The following RBKS variants were observed in gnomAD, a reference collection of about 807,000 sequenced individuals.
RBKS encodes ribokinase.
RBKS carries 33 observed loss-of-function variants against 33.9 expected under a neutral mutation model. The ratio of observed to expected loss-of-function variants is 0.97; its 90% CI spans 0.74 to 1.30. The LOEUF (loss-of-function observed/expected upper bound fraction) is 1.30. RBKS is among the 50% of genes most tolerant of loss of function. The pLI, the probability that RBKS is intolerant of heterozygous loss-of-function variation, is 0.00. For synonymous variants in RBKS, 125 were observed against 143.0 expected (o/e 0.87, Z 0.90); for missense variants, 361 against 392.6 (o/e 0.92, Z 0.68).
chr2:27,787,652 C>T (rs1283170888), intron 7 of RBKS, among the ~76,000 whole-genome samples: 3 of 152,120 alleles, frequency 2.0e-5, no homozygotes, highest in Non-Finnish European at 2.9e-5. Context: ...TAGATGGCTT[C>T]GCTGGATAAT....
chr2:27,813,559 C>A (rs1678032337), intron 7 of RBKS, among the ~76,000 whole-genome samples: 1 of 151,306 alleles, frequency 6.6e-6, no homozygotes, highest in Non-Finnish European at 1.5e-5. Flanking sequence ...AAGAAATAAC[C>A]CAGAATATAG....
At chr2:27,833,050 T>TA (rs915413945) in intron 5 of RBKS, among the ~76,000 whole-genome samples, 12 of 152,176 alleles carry the variant, frequency 7.9e-5, no homozygotes, top group African/African-American at 2.7e-4. Flanking sequence ...ATTATAGAGT[T>TA]AAGGCAAAGG....
rs371428553 is a variant in RBKS at position 27,846,992 on chromosome 2, T to C, written c.349+50A>G. 1.9e-5 allele frequency: 25 copies of C among 1,313,534 alleles called. No individual in the cohort carries two copies. In the African/African-American group the frequency reaches 3.5e-4, roughly 18 times the overall value. 81.4% of individuals were successfully genotyped at this position (1,313,534 alleles called of 1,614,324 possible). The stretch of plus-strand genomic sequence containing the variant: ...AAAATTGATGCTTCTGATCTAACTC[T>C]GGAAATACACTGTCTTATGAAATGA... On this transcript the variant is annotated intron_variant, in intron 4 of 7. Coordinates refer to ENST00000302188, the MANE Select transcript of RBKS (RefSeq NM_022128.3).
rs1678551232 is a variant in RBKS at position 27,837,581 on chromosome 2, C to T, written c.515-4804G>A. On this transcript the variant is annotated intron_variant, in intron 5 of 7. Coordinates refer to ENST00000302188, the MANE Select transcript of RBKS (RefSeq NM_022128.3). The surrounding 1 kb of genome is among the most constrained non-coding windows in gnomAD (Gnocchi z 4.0). ...CAAAGACATGGAATCAACCTAGGTG[C>T]CCATCAATGGTGGACTGGATAAAGA... 6.6e-6 allele frequency among the ~76,000 whole-genome samples: 1 copy of T among 152,118 alleles called. No individual in the cohort carries two copies. The highest frequency in any genetic ancestry group is 1.5e-5 in the Non-Finnish European group (1 of 68,022).
At chr2:27,854,246 C>G (rs1050490388) in intron 2 of RBKS, among the ~76,000 whole-genome samples, 9 of 152,196 alleles carry the variant, frequency 5.9e-5, no homozygotes, top group Non-Finnish European at 1.3e-4. Context: ...GTTATTCTGT[C>G]AAATTGCTAT....
chr2:27,809,882 A>G, intron 7 of RBKS: 1 of 1,267,504 alleles, frequency 7.9e-7, no homozygotes. Context: ...ATTTTGAGTA[A>G]TTAGTCATTG....
At chr2:27,848,714 T>G (rs1663672231) in intron 2 of RBKS, among the ~76,000 whole-genome samples, 1 of 151,988 alleles carries the variant, frequency 6.6e-6, no homozygotes, top group South Asian at 2.1e-4. Context: ...AAAAGCATGT[T>G]CCTTGTAGTC....
intron 1 of RBKS, among the ~76,000 whole-genome samples, chr2:27,865,531 C>A (rs1354086124): frequency 6.6e-6 from 1 of 151,266 alleles, no homozygotes. Flanking sequence ...TTTTACGTTC[C>A]CTGTTTGTGT....
Position 27,781,537 on chromosome 2 carries a change from C to T in RBKS, c.*78G>A, listed in dbSNP as rs779860908. The T allele has an allele frequency of 1.0e-5, 12 of 1,142,874 alleles. No individual in the cohort carries two copies. The highest frequency in any genetic ancestry group is 1.3e-5 in the Non-Finnish European group (11 of 820,848). 70.8% of individuals were successfully genotyped at this position (1,142,874 alleles called of 1,614,324 possible). ...CAAAGAAAGGGGACGAGGACATTTT[C>T]TAATAAGCATTAGCCAGGAGCAGCC... On this transcript the variant is annotated 3_prime_UTR_variant, in exon 8 of 8. Coordinates refer to ENST00000302188, the MANE Select transcript of RBKS (RefSeq NM_022128.3).
At chr2:27,793,603 G>C (rs968992120) in intron 7 of RBKS, among the ~76,000 whole-genome samples, 1 of 152,168 alleles carries the variant, frequency 6.6e-6, no homozygotes, top group Non-Finnish European at 1.5e-5. Context: ...TGTCATGAAA[G>C]ACAACATAGT....
intron 7 of RBKS, among the ~76,000 whole-genome samples, chr2:27,824,028 C>CTACTA (rs1352778103): frequency 6.6e-6 from 1 of 152,190 alleles, no homozygotes; most frequent in African/African-American, 2.4e-5. Flanking sequence ...ACTCCATACT[C>CTACTA]ATTAGTAGTC....
chr2:27,800,781 T>G (rs1677762464), intron 7 of RBKS, among the ~76,000 whole-genome samples: 1 of 152,242 alleles, frequency 6.6e-6, no homozygotes, highest in South Asian at 2.1e-4. Flanking sequence ...AGGAATGCAC[T>G]TGGAGCCAGG....
chr2:27,888,024 G>A (rs909680878), intron 1 of RBKS, among the ~76,000 whole-genome samples: 1 of 152,014 alleles, frequency 6.6e-6, no homozygotes, highest in East Asian at 1.9e-4. Context: ...AGTATCTGAT[G>A]GTCAAGCTTC....
Position 27,842,412 on chromosome 2 carries a change from T to C in RBKS, c.514+655A>G, listed in dbSNP as rs534767466. Among the ~76,000 whole-genome samples, 8 of 152,294 alleles carry C rather than the reference T, an allele frequency of 5.3e-5. No individual in the cohort carries two copies. The South Asian group carries it at 1.7e-3, about 32-fold the overall frequency. On this transcript the variant is annotated intron_variant, in intron 5 of 7. Coordinates refer to ENST00000302188, the MANE Select transcript of RBKS (RefSeq NM_022128.3). ...GCAATGTCAATGGACATTGATAACA[T>C]AGAAAATATTACATATAAATAATCT...
intron 7 of RBKS, among the ~76,000 whole-genome samples, chr2:27,791,616 A>G (rs898271777): frequency 7.0e-6 from 1 of 142,326 alleles, no homozygotes; most frequent in Non-Finnish European, 1.5e-5. Context: ...ATAAATCTAC[A>G]CACACACACA....
intron 1 of RBKS, among the ~76,000 whole-genome samples, chr2:27,869,301 T>G (rs926349274): frequency 6.6e-6 from 1 of 152,204 alleles, no homozygotes; most frequent in Non-Finnish European, 1.5e-5. Flanking sequence ...CAAATAATGG[T>G]GCTCCTTTCC....
chr2:27,813,810 G>C (rs1242700622), intron 7 of RBKS, among the ~76,000 whole-genome samples: 2 of 152,148 alleles, frequency 1.3e-5, no homozygotes, highest in African/African-American at 2.4e-5. Flanking sequence ...GATTCAGGAA[G>C]AAGAGTCACG....
chr2:27,866,474 T>C (rs1418733465), intron 1 of RBKS, among the ~76,000 whole-genome samples: 1 of 152,214 alleles, frequency 6.6e-6, no homozygotes, highest in East Asian at 1.9e-4. Flanking sequence ...CAGCCATTAT[T>C]TTTTCAAACG....
intron 4 of RBKS, 81 bp from the exon 5 acceptor site, chr2:27,843,312 C>T: frequency 9.4e-7 from 1 of 1,066,088 alleles, no homozygotes; most frequent in Non-Finnish European, 1.3e-6. Flanking sequence ...AATACAATCG[C>T]CCTTGTAAAG....
Sources: gnomAD v4.1 joint callset for allele counts (sites outside exome capture counted in the v4.1 genomes callset) on GRCh38, gnomAD v4.1.1 for gene constraint, Gnocchi (gnomAD v3.1) non-coding constraint, MANE v1.5 for transcripts, NCBI Gene and HGNC (gene_info 2026-07-23, HGNC 2026-07-21) for gene names.